Variants in ABCC5 observed in about 807,000 individuals in gnomAD.
The protein encoded by ABCC5 is ATP binding cassette subfamily C member 5, also known as ATP-binding cassette sub-family C member 5.
A neutral mutation model predicts 160.9 loss-of-function variants in ABCC5; 61 were observed. The observed-to-expected ratio is 0.38, with a 90% confidence interval of 0.31 to 0.47. The LOEUF (loss-of-function observed/expected upper bound fraction) is 0.47. ABCC5 is among the 20% of genes least tolerant of loss of function. The pLI, the probability that ABCC5 is intolerant of heterozygous loss-of-function variation, is 0.99. For missense variants in ABCC5, 1,308 were observed against 1,813.3 expected (o/e 0.72, Z 5.06); for synonymous variants, 666 against 700.6 (o/e 0.95, Z 0.78).
At chr3:183,958,364 T>C (rs1292341997) in intron 17 of ABCC5, among the ~76,000 whole-genome samples, 1 of 152,222 alleles carries the variant, frequency 6.6e-6, no homozygotes, top group East Asian at 1.9e-4. Context: ...CCCTCATGCC[T>C]TGAGCACTTT....
Position 183,921,522 on chromosome 3 carries a change from G to A in ABCC5, c.4213-121C>T, listed in dbSNP as rs543649485. The A allele has an allele frequency of 6.0e-4, 429 of 717,814 alleles. 1 individual carries two copies. Among genetic ancestry groups the A allele is most frequent in the Admixed American group, 1.5e-3 (40 of 25,884 alleles). The allele number at this position is 717,814 out of a possible 1,614,324, so 44.5% of individuals were successfully genotyped here. Reference sequence around the variant, plus strand: ...GTAGAATCTGGGGACAATTCAACTAGCCCTGCGTGCACCTCCCCCCTTATT... The same window carrying A: ...GTAGAATCTGGGGACAATTCAACTAACCCTGCGTGCACCTCCCCCCTTATT... On this transcript the variant is annotated intron_variant, in intron 29 of 29. Coordinates refer to ENST00000334444, the MANE Select transcript of ABCC5 (RefSeq NM_005688.4). The surrounding 1 kb of genome is among the most constrained non-coding windows in gnomAD (Gnocchi z 4.1).
At chr3:183,927,783 T>C (rs2108759867) in intron 27 of ABCC5, 2 of 985,496 alleles carry the variant, frequency 2.0e-6, no homozygotes, top group Non-Finnish European at 2.4e-6. Context: ...TAAGGAAAAG[T>C]ACTCTCCTTC....
chr3:183,953,152 CA>C lies in ABCC5; in HGVS notation c.2600del (p.Met867SerfsTer2), dbSNP rs1286394515. 6.2e-7 allele frequency: 1 copy of C among 1,614,114 alleles called. No individual in the cohort carries two copies. The highest frequency in any genetic ancestry group is 8.5e-7 in the Non-Finnish European group (1 of 1,180,022). Reference protein sequence around the residue: ...LAFLVIMALFMLNVGSTAFST... With the variant: ...LAFLVIMALFXLNVGSTAFST... ...TGAAGGCGGTGCTGCCTACATTCAG[CA>C]TGAAAAGGGCCATAATAACCAGGAA... On this transcript the variant is annotated frameshift_variant, in exon 18 of 30. Coordinates refer to ENST00000334444, the MANE Select transcript of ABCC5 (RefSeq NM_005688.4). LOFTEE classifies it high-confidence loss of function.
chr3:183,983,559 G>C (rs1482889638), intron 5 of ABCC5: 1 of 176,036 alleles, frequency 5.7e-6, no homozygotes, highest in East Asian at 1.9e-4. Context: ...CCCTCCCATG[G>C]GCCCGCCCCA....
chr3:183,936,600 C>T (rs532071369), intron 26 of ABCC5, among the ~76,000 whole-genome samples: 1 of 152,150 alleles, frequency 6.6e-6, no homozygotes, highest in Non-Finnish European at 1.5e-5. Flanking sequence ...CTCTGCCTCC[C>T]GGGTTCACAC....
At chr3:183,972,791 C>T (rs917626934) in intron 10 of ABCC5, among the ~76,000 whole-genome samples, 6 of 151,892 alleles carry the variant, frequency 4.0e-5, no homozygotes, top group African/African-American at 1.2e-4. Context: ...ATTACAGGCA[C>T]GTGCCACCAT....
chr3:183,951,970 C>T lies in ABCC5; in HGVS notation c.2701G>A (p.Val901Met), dbSNP rs748788281. The change falls in exon 19 of 30, where the codon GTG becomes ATG. Residue 901 changes from valine to methionine, a missense_variant. By Grantham distance (21) the Val-to-Met change is conservative (BLOSUM62 1). Coordinates refer to ENST00000334444, the MANE Select transcript of ABCC5 (RefSeq NM_005688.4). This position sits in a 1 kb window ranked among gnomAD's most constrained non-coding sequence, Gnocchi z 4.7. Reference protein sequence around the residue: ...TTVTRGNETSVSDSMKDNPHM... With the variant: ...TTVTRGNETSMSDSMKDNPHM... ...GGATTGTCCTTCATGCTGTCACTCA[C>T]CGAGGTCTCGTTCCCTCGAGTCACA... 5 of 1,612,686 alleles carry T rather than the reference C, an allele frequency of 3.1e-6. No homozygotes were observed. Among genetic ancestry groups the T allele is most frequent in the South Asian group, 1.1e-5 (1 of 91,070 alleles).
At chr3:183,932,457 G>GATCCACA (rs1560470282) in intron 26 of ABCC5, among the ~76,000 whole-genome samples, 1 of 152,208 alleles carries the variant, frequency 6.6e-6, no homozygotes, top group Non-Finnish European at 1.5e-5. Flanking sequence ...GATCCACAAA[G>GATCCACA]AGGCACGTCT....
intron 12 of ABCC5, chr3:183,967,399 C>G: frequency 5.8e-6 from 2 of 346,950 alleles, no homozygotes; most frequent in African/African-American, 2.1e-5. Flanking sequence ...TTTCAATACA[C>G]GGGCATACCT....
In ABCC5 at chr3:183,921,162, A is replaced by G. The variant is rs1711929834; in HGVS notation, c.*138T>C. 1 of 541,828 alleles carries G rather than the reference A, an allele frequency of 1.8e-6. No individual in the cohort carries two copies. 33.6% of individuals were successfully genotyped at this position (541,828 alleles called of 1,614,324 possible). On this transcript the variant is annotated 3_prime_UTR_variant, in exon 30 of 30. Transcript: ENST00000334444. The surrounding 1 kb of genome is among the most constrained non-coding windows in gnomAD (Gnocchi z 4.1). ...ATGACTCTCCCTAAAAGTGAAACAC[A>G]CAAGCCAATCCGGAACTGCTGTGCG...
chr3:183,996,651 C>T (rs1371295720), intron 2 of ABCC5, among the ~76,000 whole-genome samples: 1 of 152,170 alleles, frequency 6.6e-6, no homozygotes, highest in Admixed American at 6.6e-5. Flanking sequence ...GGCTCTCCTG[C>T]TGCCTTTGGT....
rs577426561 is a variant in ABCC5, at chr3:184,013,265, A to T, written c.129+999T>A. Among the ~76,000 whole-genome samples, 4 of 151,976 alleles carry T rather than the reference A, an allele frequency of 2.6e-5. No homozygotes were observed. In the East Asian group the frequency reaches 7.7e-4, roughly 29 times the overall value. On this transcript the variant is annotated intron_variant, in intron 2 of 29. Transcript: ENST00000334444. ...GGATTCACATTTTATTTTATTTTTT[A>T]TTTTTTTGGAGACGGAGTCTCACTC...
At chr3:183,990,651 T>TTTAATG (rs1719680450) in intron 2 of ABCC5, among the ~76,000 whole-genome samples, 2 of 151,872 alleles carry the variant, frequency 1.3e-5, no homozygotes, top group African/African-American at 4.8e-5. Flanking sequence ...CGTGAGTTCT[T>TTTAATG]ATCCTGGCTG....
At chr3:183,929,025 G>C (rs1251194539) in intron 26 of ABCC5, among the ~76,000 whole-genome samples, 200 bp from the exon 27 acceptor site, 3 of 152,042 alleles carry the variant, frequency 2.0e-5, no homozygotes, top group Admixed American at 2.0e-4. Context: ...CATAAAACTT[G>C]ATTTATTCTT....
intron 12 of ABCC5, 31 bp from the exon 13 acceptor site, chr3:183,965,532 A>G (rs746895410): frequency 9.3e-6 from 15 of 1,612,886 alleles, no homozygotes; most frequent in Non-Finnish European, 1.2e-5. Context: ...CAATGGCATC[A>G]TAACTCAAAA....
intron 17 of ABCC5, 93 bp from the exon 18 acceptor site, chr3:183,953,363 C>A: frequency 8.9e-7 from 1 of 1,125,944 alleles, no homozygotes; most frequent in Non-Finnish European, 1.2e-6. Flanking sequence ...GGACAACCGG[C>A]AGCTTCACAG....
intron 2 of ABCC5, among the ~76,000 whole-genome samples, chr3:184,009,366 T>C (rs1407799995): frequency 6.6e-6 from 1 of 152,192 alleles, no homozygotes; most frequent in Non-Finnish European, 1.5e-5. Context: ...CTAACAAATA[T>C]AAAAATGATG....
In ABCC5 at chr3:183,951,361, C is replaced by T; in HGVS notation, c.2944+80G>A. The T allele has an allele frequency of 6.4e-7, 1 of 1,555,472 alleles. No individual in the cohort carries two copies. The highest frequency in any genetic ancestry group is 8.7e-7 in the Non-Finnish European group (1 of 1,148,102). On this transcript the variant is annotated intron_variant, in intron 20 of 29. Coordinates refer to ENST00000334444, the MANE Select transcript of ABCC5 (RefSeq NM_005688.4). The surrounding 1 kb of genome is among the most constrained non-coding windows in gnomAD (Gnocchi z 4.7). ...TCTCAGGATCTACAGACAGACAGAT[C>T]TGCACATTTGGAGAATCATCTAGAA...
intron 25 of ABCC5, chr3:183,942,297 G>A (rs1175799661): frequency 1.4e-5 from 6 of 438,702 alleles, no homozygotes; most frequent in Non-Finnish European, 2.7e-5. Context: ...CCCTCCCAAA[G>A]TGCTGGGATT....
Sources: gnomAD v4.1 joint callset for allele counts (sites outside exome capture counted in the v4.1 genomes callset) on GRCh38, gnomAD v4.1.1 for gene constraint, Gnocchi (gnomAD v3.1) non-coding constraint, MANE v1.5 for transcripts, NCBI Gene and HGNC (gene_info 2026-07-23, HGNC 2026-07-21) for gene names.